Variants in APPBP2 observed in about 807,000 individuals in gnomAD.
APPBP2 encodes amyloid beta precursor protein binding protein 2.
APPBP2 carries 15 observed loss-of-function variants against 76.0 expected under a neutral mutation model. The ratio of observed to expected loss-of-function variants is 0.20; its 90% CI spans 0.13 to 0.30. The LOEUF (loss-of-function observed/expected upper bound fraction) is 0.30. Ranked by LOEUF, APPBP2 falls within the 10% of genes least tolerant of loss-of-function variation. APPBP2 has a pLI of 1.00. For missense variants in APPBP2, 401 were observed against 687.2 expected, an observed-to-expected ratio of 0.58 and a Z score of 4.66; for synonymous variants, 222 against 242.2, an observed-to-expected ratio of 0.92 and a Z score of 0.77.
At chr17:60,515,747 G>C (rs1462190977) in intron 1 of APPBP2, among the ~76,000 whole-genome samples, 2 of 152,214 alleles carry the variant, frequency 1.3e-5, no homozygotes, top group Non-Finnish European at 2.9e-5. Context: ...ACAACATTCA[G>C]CATCTGCAAT....
At position 60,446,010 on chromosome 17, in the gene APPBP2, T is replaced by G. The variant is rs2090343560; in HGVS notation, c.*1571A>C. ...TTTGAAATCTACAACTTTTCTGTAC[T>G]CAATGTGGCAGACAGCTTAGATTTT... On this transcript the variant is annotated 3_prime_UTR_variant, in exon 13 of 13. Coordinates refer to ENST00000083182, the MANE Select transcript of APPBP2 (RefSeq NM_006380.5). 1.3e-5 allele frequency: 2 copies of G among 152,206 alleles called. No homozygotes were observed. Among genetic ancestry groups the G allele is most frequent in the South Asian group, 4.1e-4 (2 of 4,830 alleles). The allele number at this position is 152,206 out of a possible 1,614,324, so 9.4% of individuals were successfully genotyped here. A position where few individuals can be genotyped will look rare whatever the true frequency, so the allele number is the denominator to read the frequency against.
intron 11 of APPBP2, among the ~76,000 whole-genome samples, chr17:60,452,279 G>A (rs1216867381): frequency 6.6e-6 from 1 of 152,132 alleles, no homozygotes; most frequent in Non-Finnish European, 1.5e-5. Flanking sequence ...AGTAACAAGT[G>A]AAAACTTATC....
At chr17:60,494,643 T>G (rs1247478658) in intron 2 of APPBP2, 26 bp from the exon 3 acceptor site, 1 of 1,550,768 alleles carries the variant, frequency 6.4e-7, no homozygotes, top group East Asian at 2.3e-5. Context: ...AAGATTATTT[T>G]ATAGAGTTAA....
At chr17:60,466,830 A>AT (rs1280222631) in intron 4 of APPBP2, among the ~76,000 whole-genome samples, 2 of 152,238 alleles carry the variant, frequency 1.3e-5, no homozygotes, top group Non-Finnish European at 2.9e-5. Flanking sequence ...TTGACATAAA[A>AT]TATCTTCTTT....
intron 3 of APPBP2, among the ~76,000 whole-genome samples, chr17:60,482,124 G>T (rs1186702123): frequency 6.6e-6 from 1 of 152,068 alleles, no homozygotes; most frequent in Non-Finnish European, 1.5e-5. Flanking sequence ...CAGGAGATCC[G>T]CCCACCTCAG....
At chr17:60,517,649 T>C (rs2090973576) in intron 1 of APPBP2, among the ~76,000 whole-genome samples, 1 of 152,232 alleles carries the variant, frequency 6.6e-6, no homozygotes, top group South Asian at 2.1e-4. Flanking sequence ...TTCCCTATCA[T>C]AGTGCTGTCT....
chr17:60,517,699 C>A (rs543492670), intron 1 of APPBP2, among the ~76,000 whole-genome samples: 1 of 152,248 alleles, frequency 6.6e-6, no homozygotes, highest in South Asian at 2.1e-4. Context: ...ATGTGTCAGT[C>A]TGTTTCTGGA....
At chr17:60,462,905 C>T (rs938342196) in intron 6 of APPBP2, among the ~76,000 whole-genome samples, 10 of 148,026 alleles carry the variant, frequency 6.8e-5, no homozygotes, top group Admixed American at 5.4e-4. Context: ...GACCCGAGAT[C>T]GCGCCACTGC....
At chr17:60,491,419 A>T (rs1001102609) in intron 3 of APPBP2, among the ~76,000 whole-genome samples, 6 of 151,808 alleles carry the variant, frequency 4.0e-5, no homozygotes, top group Non-Finnish European at 7.4e-5. Context: ...ATTTATTTTT[A>T]TTTTTTTATT....
intron 1 of APPBP2, 58 bp downstream of exon 1, chr17:60,525,736 G>A: frequency 1.2e-6 from 2 of 1,607,630 alleles, no homozygotes; most frequent in Middle Eastern, 1.8e-4. Flanking sequence ...AGACGTGGAA[G>A]GGGGTGCGGC....
intron 1 of APPBP2, among the ~76,000 whole-genome samples, chr17:60,518,338 T>C (rs781054252): frequency 2.0e-5 from 3 of 149,754 alleles, no homozygotes; most frequent in East Asian, 2.0e-4. Flanking sequence ...TGAGCTACCA[T>C]GCCCAGCCGT....
At chr17:60,490,268 A>C (rs1319255494) in intron 3 of APPBP2, among the ~76,000 whole-genome samples, 1 of 152,176 alleles carries the variant, frequency 6.6e-6, no homozygotes, top group Non-Finnish European at 1.5e-5. Context: ...TGGTTTTGAT[A>C]TTGCCCTACA....
In APPBP2 at chr17:60,443,718, T is replaced by C. The variant is rs1442582118; in HGVS notation, c.*3863A>G. ...ACCAAGTTTTCTAGATATCTATATA[T>C]AGGATATATTTTTAATCTTAAATTT... On this transcript the variant is annotated 3_prime_UTR_variant, in exon 13 of 13. Coordinates refer to ENST00000083182, the MANE Select transcript of APPBP2 (RefSeq NM_006380.5). The C allele has an allele frequency of 6.6e-6, 1 of 152,628 alleles. No individual in the cohort carries two copies. Among genetic ancestry groups the C allele is most frequent in the African/African-American group, 2.4e-5 (1 of 41,446 alleles). 9.5% of individuals were successfully genotyped at this position (152,628 alleles called of 1,614,324 possible).
At chr17:60,458,798 C>T (rs1363794529) in intron 9 of APPBP2, among the ~76,000 whole-genome samples, 5 of 146,340 alleles carry the variant, frequency 3.4e-5, no homozygotes, top group African/African-American at 1.3e-4. Context: ...TTTTTTGAGA[C>T]GGAGTCTCGT....
chr17:60,451,434 A>T (rs1160824689), intron 12 of APPBP2, among the ~76,000 whole-genome samples: 4 of 152,036 alleles, frequency 2.6e-5, no homozygotes, highest in African/African-American at 9.7e-5. Flanking sequence ...TATCCCATTT[A>T]AATCTATTTT....
chr17:60,471,072 C>T (rs2090548970), intron 4 of APPBP2, among the ~76,000 whole-genome samples: 2 of 152,080 alleles, frequency 1.3e-5, no homozygotes. Context: ...GCTTGGATTA[C>T]AGGTGTGAGC....
At chr17:60,454,160 G>T in intron 11 of APPBP2, 142 bp downstream of exon 11, 1 of 555,146 alleles carries the variant, frequency 1.8e-6, no homozygotes, top group Non-Finnish European at 2.9e-6. Flanking sequence ...ACTGTGCTTG[G>T]CCTATGTTGT....
intron 8 of APPBP2, chr17:60,461,549 T>A (rs539633428): frequency 2.3e-5 from 8 of 340,790 alleles, no homozygotes; most frequent in Non-Finnish European, 2.1e-5. Context: ...AGCCATTACA[T>A]GGGTAAATAA....
intron 1 of APPBP2, among the ~76,000 whole-genome samples, chr17:60,520,442 A>C (rs1045212926): frequency 6.6e-6 from 1 of 152,056 alleles, no homozygotes; most frequent in East Asian, 1.9e-4. Flanking sequence ...ATGTGGTGGC[A>C]GGTGCTTGTA....
Sources: gnomAD v4.1 joint callset for allele counts (sites outside exome capture counted in the v4.1 genomes callset) on GRCh38, gnomAD v4.1.1 for gene constraint, MANE v1.5 for transcripts, NCBI Gene and HGNC (gene_info 2026-07-23, HGNC 2026-07-21) for gene names.